The following ZNF829 variants were observed in gnomAD, a reference collection of about 807,000 sequenced individuals.
ZNF829 encodes zinc finger protein 829.
A neutral mutation model predicts 35.2 loss-of-function variants in ZNF829; 25 were observed. That is an observed-to-expected ratio of 0.71 (90% confidence interval 0.52 to 0.99). ZNF829 has a LOEUF of 0.99. Among genes scored for constraint, ZNF829 ranks in the 50% least tolerant of loss-of-function variants. ZNF829 has a pLI of 0.00. For missense variants in ZNF829, 417 were observed against 515.3 expected, an observed-to-expected ratio of 0.81 and a Z score of 1.85; for synonymous variants, 136 against 163.2, an observed-to-expected ratio of 0.83 and a Z score of 1.27.
chr19:36,908,061 G>T (rs1175570022), intron 4 of ZNF829, 37 bp from the exon 5 acceptor site: 2 of 1,576,932 alleles, frequency 1.3e-6, no homozygotes, highest in Non-Finnish European at 8.7e-7. Flanking sequence ...TGGTTATGCT[G>T]TGGGGTCCCC....
chr19:36,902,047 C>A, intron 5 of ZNF829: 1 of 575,278 alleles, frequency 1.7e-6, no homozygotes, highest in Non-Finnish European at 3.2e-6. Flanking sequence ...CAAATAAACT[C>A]TATACTTTGG....
chr19:36,900,847 G>GAAAAAA (rs59848712), intron 5 of ZNF829, among the ~76,000 whole-genome samples: 1 of 88,976 alleles, frequency 1.1e-5, no homozygotes. Flanking sequence ...GACTGTCTCA[G>GAAAAAA]AAAAAAAAAA....
chr19:36,900,896 GAA>G (rs1183681289), intron 5 of ZNF829, among the ~76,000 whole-genome samples: 3 of 150,208 alleles, frequency 2.0e-5, no homozygotes, highest in Admixed American at 2.0e-4. Context: ...ATGATGTGGA[GAA>G]ACTGGAACCA....
At chr19:36,904,540 C>T (rs993295248) in intron 5 of ZNF829, among the ~76,000 whole-genome samples, 5 of 152,080 alleles carry the variant, frequency 3.3e-5, no homozygotes, top group East Asian at 3.9e-4. Context: ...GCTGGGACTA[C>T]GGGCGCCTGC....
chr19:36,892,154 C>A lies in ZNF829; in HGVS notation c.637G>T (p.Glu213Ter), dbSNP rs1272814047. ...AAAGCCTTGCCACATTCCTTACATT[C>A]ATAGGGTTTTTTACCAGTGTGAATC... ...QRIHTGKKPYECKECGKAFSC... is the reference protein window; with the variant it reads ...QRIHTGKKPY Residue 213 changes from glutamate (E) to a stop codon, truncating the protein, a stop_gained, in exon 6 of 6, where the codon GAA becomes TAA. Coordinates refer to ENST00000391711, the MANE Select transcript of ZNF829 (RefSeq NM_001037232.4). LOFTEE classifies it high-confidence loss of function. 1 of 1,614,074 alleles carries A rather than the reference C, an allele frequency of 6.2e-7. No individual in the cohort carries two copies. Among genetic ancestry groups the A allele is most frequent in the Non-Finnish European group, 8.5e-7 (1 of 1,179,996 alleles).
At position 36,898,802 on chromosome 19, in the gene ZNF829, A is replaced by G. The variant is rs187118180; in HGVS notation, c.320-6331T>C. Among the ~76,000 whole-genome samples, 3 of 152,302 alleles carry G rather than the reference A, an allele frequency of 2.0e-5. No individual in the cohort carries two copies. The East Asian group carries it at 5.8e-4, about 29-fold the overall frequency. On this transcript the variant is annotated intron_variant, in intron 5 of 5. Coordinates refer to ENST00000391711, the MANE Select transcript of ZNF829 (RefSeq NM_001037232.4). ...GGTGCTGGGAAAACTGGTTATCCAT[A>G]TAGTGAAGAATGAAACTAGACTGTA...
rs1438701442 is a variant in ZNF829, at chr19:36,890,148, T to C, written c.*1344A>G. 6.6e-6 allele frequency: 1 copy of C among 152,206 alleles called. No homozygotes were observed. Among genetic ancestry groups the C allele is most frequent in the Non-Finnish European group, 1.5e-5 (1 of 68,028 alleles). The allele number at this position is 152,206 out of a possible 1,614,324, so 9.4% of individuals were successfully genotyped here. ...AAGATGTTAGATATGATTTTGTTTT[T>C]TTAAAATTTATTGATACTTGCTTTG... is the stretch of plus-strand genomic sequence containing the variant. On this transcript the variant is annotated 3_prime_UTR_variant, in exon 6 of 6. Transcript: ENST00000391711.
At chr19:36,910,536 C>A (rs1385200529) in intron 3 of ZNF829, among the ~76,000 whole-genome samples, 1 of 152,166 alleles carries the variant, frequency 6.6e-6, no homozygotes, top group East Asian at 1.9e-4. Flanking sequence ...AACTTTTATA[C>A]CCTTATGGTA....
chr19:36,910,377 G>A (rs1162826192), intron 3 of ZNF829, among the ~76,000 whole-genome samples: 1 of 152,106 alleles, frequency 6.6e-6, no homozygotes, highest in Non-Finnish European at 1.5e-5. Context: ...GAGCCACCAC[G>A]CCTGGCCCAT....
chr19:36,905,415 T>G (rs2073206720), intron 5 of ZNF829: 1 of 151,652 alleles, frequency 6.6e-6, no homozygotes, highest in Admixed American at 6.6e-5. Flanking sequence ...TTCAAATGAC[T>G]ATATAAGCTA....
chr19:36,889,169 T>C lies in ZNF829; in HGVS notation c.*2323A>G, dbSNP rs2146219086. On this transcript the variant is annotated 3_prime_UTR_variant, in exon 6 of 6. Coordinates refer to ENST00000391711, the MANE Select transcript of ZNF829 (RefSeq NM_001037232.4). ...TCCACTTGACTGTGCTGTTACTATC[T>C]TTTTTATGTACTGTTTGATTTGGTT... is the stretch of plus-strand genomic sequence containing the variant. 6.6e-6 allele frequency: 1 copy of C among 152,348 alleles called. No homozygotes were observed. Among genetic ancestry groups the C allele is most frequent in the South Asian group, 2.1e-4 (1 of 4,828 alleles). 9.4% of individuals were successfully genotyped at this position (152,348 alleles called of 1,614,324 possible).
In ZNF829 at chr19:36,889,928, A is replaced by C. The variant is rs1317195499; in HGVS notation, c.*1564T>G. The stretch of plus-strand genomic sequence containing the variant: ...TAATGCTATAAAATCCTCTCTTAGC[A>C]CTGCTTTTGCTGTATCTCAGATGTT... On this transcript the variant is annotated 3_prime_UTR_variant, in exon 6 of 6. Transcript: ENST00000391711. 1 of 152,136 alleles carries C rather than the reference A, an allele frequency of 6.6e-6. No homozygotes were observed. The highest frequency in any genetic ancestry group is 1.5e-5 in the Non-Finnish European group (1 of 68,032). The allele number at this position is 152,136 out of a possible 1,614,324, so 9.4% of individuals were successfully genotyped here. A position where few individuals can be genotyped will look rare whatever the true frequency, so the allele number is the denominator to read the frequency against.
At chr19:36,898,749 A>T (rs10410788) in intron 5 of ZNF829, among the ~76,000 whole-genome samples, 10,507 of 152,220 alleles carry the variant, frequency 0.069, 909 homozygotes, top group African/African-American at 0.2. Flanking sequence ...GAACAGACAT[A>T]GGGAAAAGGA....
chr19:36,896,496 C>A (rs961630210), intron 5 of ZNF829, among the ~76,000 whole-genome samples: 7 of 151,780 alleles, frequency 4.6e-5, no homozygotes, highest in South Asian at 2.1e-4. Context: ...AAAACAACAA[C>A]AAAAAAAGGT....
At chr19:36,895,466 T>C (rs1363033064) in intron 5 of ZNF829, among the ~76,000 whole-genome samples, 3 of 151,898 alleles carry the variant, frequency 2.0e-5, no homozygotes, top group African/African-American at 7.3e-5. Context: ...AAAAAGGATA[T>C]AAAACAACCA....
chr19:36,892,978 C>T (rs763165908), intron 5 of ZNF829: 22 of 439,628 alleles, frequency 5.0e-5, no homozygotes, highest in African/African-American at 4.1e-4. Context: ...CCAGGGCATG[C>T]ACCATGCGTG....
At chr19:36,914,461 T>G (rs899171304) in intron 3 of ZNF829, among the ~76,000 whole-genome samples, 2 of 152,146 alleles carry the variant, frequency 1.3e-5, no homozygotes, top group South Asian at 4.1e-4. Flanking sequence ...ATGTTCAATT[T>G]TATTATTAAT....
At chr19:36,900,145 AACACACACACACACACACACACACACAC>A (rs56218050) in intron 5 of ZNF829, among the ~76,000 whole-genome samples, 1 of 120,446 alleles carries the variant, frequency 8.3e-6, no homozygotes, top group Non-Finnish European at 1.7e-5. Context: ...GTCTCTACTA[AACACACACACACACACACACACACACAC>A]ACACACACAC....
At chr19:36,893,129 A>G (rs1214367082) in intron 5 of ZNF829, 4 of 396,268 alleles carry the variant, frequency 1.0e-5, no homozygotes, top group South Asian at 2.8e-4. Flanking sequence ...AAAGGTTTAA[A>G]TGTCGGGGGC....
Sources: gnomAD v4.1 joint callset for allele counts (sites outside exome capture counted in the v4.1 genomes callset) on GRCh38, gnomAD v4.1.1 for gene constraint, MANE v1.5 for transcripts, NCBI Gene and HGNC (gene_info 2026-07-23, HGNC 2026-07-21) for gene names.